Variants in TRAPPC12 observed in about 807,000 individuals in gnomAD.
TRAPPC12 encodes trafficking protein particle complex subunit 12.
A neutral mutation model predicts 69.2 loss-of-function variants in TRAPPC12; 61 were observed. That is an observed-to-expected ratio of 0.88 (90% CI 0.72 to 1.09). The LOEUF (loss-of-function observed/expected upper bound fraction) is 1.09, where lower values mean the gene tolerates loss of function less well. TRAPPC12 is among the 50% of genes least tolerant of loss of function. The pLI, the probability that TRAPPC12 is intolerant of heterozygous loss-of-function variation, is 0.00. For synonymous variants in TRAPPC12, 469 were observed against 438.9 expected (o/e 1.07, Z -0.86); for missense variants, 1,101 against 1,016.4 (o/e 1.08, Z -1.13).
At chr2:3,397,271 G>A in intron 2 of TRAPPC12, among the ~76,000 whole-genome samples, 1 of 152,198 alleles carries the variant, frequency 6.6e-6, no homozygotes, top group East Asian at 1.9e-4. Context: ...TGACTTTAGA[G>A]CAGTAGCTTC....
At chr2:3,380,252 C>T (rs899062220) in intron 1 of TRAPPC12, among the ~76,000 whole-genome samples, 1 of 152,036 alleles carries the variant, frequency 6.6e-6, no homozygotes, top group Non-Finnish European at 1.5e-5. Flanking sequence ...CCAGCAAGCC[C>T]CTTAACTTCC....
Position 3,388,409 on chromosome 2 carries a change from C to G in TRAPPC12, c.786C>G (p.Pro262=). 1.2e-6 allele frequency: 2 copies of G among 1,603,840 alleles called. No individual in the cohort carries two copies. The highest frequency in any genetic ancestry group is 1.7e-6 in the Non-Finnish European group (2 of 1,175,292). ...AVPGTEGRPE[P]VAMRGPQAAA... ...CCGGGACCGAGGGGCGCCCCGAACC[C>G]GTGGCCATGCGAGGGCCCCAGGCAG... Residue 262 remains proline (P), a synonymous_variant, in exon 2 of 12, where the codon CCC becomes CCG. Transcript: ENST00000324266.
chr2:3,424,819 C>T (rs1206197716), intron 5 of TRAPPC12, among the ~76,000 whole-genome samples, 156 bp downstream of exon 5: 1 of 152,222 alleles, frequency 6.6e-6, no homozygotes, highest in African/African-American at 2.4e-5. Flanking sequence ...ACAGAATGCT[C>T]CCACTCCGAT....
chr2:3,444,188 T>C (rs965342401), intron 6 of TRAPPC12, among the ~76,000 whole-genome samples: 34 of 152,328 alleles, frequency 2.2e-4, no homozygotes, highest in African/African-American at 7.7e-4. Flanking sequence ...CAGCTGAAGC[T>C]TCAAGGTCAG....
intron 5 of TRAPPC12, among the ~76,000 whole-genome samples, chr2:3,428,518 G>A (rs116068742): frequency 0.013 from 1,964 of 152,228 alleles, 25 homozygotes; most frequent in Middle Eastern, 0.068. Context: ...AATATTGGGC[G>A]TAATTTTTGC....
At chr2:3,384,369 G>A (rs1358948957) in intron 1 of TRAPPC12, among the ~76,000 whole-genome samples, 2 of 152,156 alleles carry the variant, frequency 1.3e-5, no homozygotes, top group East Asian at 3.8e-4. Flanking sequence ...AAATGTTGAA[G>A]AGGACATCTT....
At chr2:3,403,218 C>T (rs1661549219) in intron 3 of TRAPPC12, among the ~76,000 whole-genome samples, 1 of 147,356 alleles carries the variant, frequency 6.8e-6, no homozygotes, top group Admixed American at 6.8e-5. Flanking sequence ...CACCGGGCTT[C>T]AGATTTCACC....
chr2:3,448,064 G>A (rs971375523), intron 6 of TRAPPC12, among the ~76,000 whole-genome samples: 6 of 152,200 alleles, frequency 3.9e-5, no homozygotes, highest in African/African-American at 7.2e-5. Context: ...ACGTGTTAAC[G>A]CTGCATGGAT....
At chr2:3,422,384 C>T (rs1227483267) in intron 4 of TRAPPC12, among the ~76,000 whole-genome samples, 1 of 152,036 alleles carries the variant, frequency 6.6e-6, no homozygotes, top group Non-Finnish European at 1.5e-5. Flanking sequence ...GGTCCATGTG[C>T]CATTTGCTCC....
chr2:3,409,553 A>C (rs963714180), intron 3 of TRAPPC12, among the ~76,000 whole-genome samples: 2 of 152,050 alleles, frequency 1.3e-5, no homozygotes, highest in Non-Finnish European at 1.5e-5. Context: ...GTTCAAGATC[A>C]GCCCGAGCAA....
intron 5 of TRAPPC12, among the ~76,000 whole-genome samples, chr2:3,434,414 T>A (rs1286048112): frequency 6.6e-6 from 1 of 152,252 alleles, no homozygotes; most frequent in African/African-American, 2.4e-5. Context: ...TTGCAGATAA[T>A]GTTTTTCCTT....
chr2:3,421,771 C>G, intron 3 of TRAPPC12, 110 bp from the exon 4 acceptor site: 1 of 975,950 alleles, frequency 1.0e-6, no homozygotes, highest in Non-Finnish European at 1.6e-6. Context: ...GGCTGGCTGG[C>G]GCTGCTTCCA....
intron 2 of TRAPPC12, among the ~76,000 whole-genome samples, chr2:3,394,230 A>G (rs1016916641): frequency 2.0e-5 from 3 of 152,170 alleles, no homozygotes; most frequent in Non-Finnish European, 4.4e-5. Flanking sequence ...CCCACTACCT[A>G]GGGTTTAGTC....
At chr2:3,447,850 G>A (rs1216923260) in intron 6 of TRAPPC12, among the ~76,000 whole-genome samples, 2 of 152,202 alleles carry the variant, frequency 1.3e-5, no homozygotes, top group Non-Finnish European at 2.9e-5. Flanking sequence ...TCTCCAGCAT[G>A]ACATTCTGAT....
chr2:3,419,428 T>G (rs868396098), intron 3 of TRAPPC12, among the ~76,000 whole-genome samples: 1 of 152,328 alleles, frequency 6.6e-6, no homozygotes, highest in Non-Finnish European at 1.5e-5. Context: ...TAGTAAATTA[T>G]CGTAACCAAT....
Position 3,395,321 on chromosome 2 carries a change from A to G in TRAPPC12, c.1048-6456A>G, listed in dbSNP as rs375856846. On this transcript the variant is annotated intron_variant, in intron 2 of 11. Transcript: ENST00000324266. ...GAGCATCTCTTCAAACGTTTTCTCC[A>G]TCTTTCAAACTTCGGATGTTTGTCT... Among the ~76,000 whole-genome samples the G allele has an allele frequency of 3.9e-5, 6 of 152,278 alleles. No individual in the cohort carries two copies. In the East Asian group the frequency reaches 9.6e-4, roughly 24 times the overall value.
At chr2:3,466,910 C>G (rs527476779) in intron 9 of TRAPPC12, among the ~76,000 whole-genome samples, 3 of 152,306 alleles carry the variant, frequency 2.0e-5, no homozygotes, top group Admixed American at 6.5e-5. Context: ...AACATTATCC[C>G]CTGGTTATCA....
At chr2:3,413,835 T>C (rs754568210) in intron 3 of TRAPPC12, among the ~76,000 whole-genome samples, 12 of 152,222 alleles carry the variant, frequency 7.9e-5, no homozygotes, top group Non-Finnish European at 1.5e-4. Flanking sequence ...GGTGTCAGTA[T>C]GCGTAATCAT....
Position 3,398,053 on chromosome 2 carries a change from C to A in TRAPPC12, c.1048-3724C>A, listed in dbSNP as rs539761165. 8.5e-5 allele frequency among the ~76,000 whole-genome samples: 13 copies of A among 152,330 alleles called. No homozygotes were observed. In the East Asian group the frequency reaches 2.1e-3, roughly 25 times the overall value. ...GTTGTTCACATCAAGACAGTCCAGT[C>A]CCAGTTACCCTGAAATGGACAGAAG... On this transcript the variant is annotated intron_variant, in intron 2 of 11. Transcript: ENST00000324266.
Sources: allele counts gnomAD v4.1 joint callset (sites outside exome capture counted in the v4.1 genomes callset), GRCh38; gene constraint gnomAD v4.1.1; transcripts MANE v1.5; gene names NCBI Gene and HGNC (gene_info 2026-07-23, HGNC 2026-07-21).